The following TACR3 variants were observed in gnomAD, a reference collection of about 807,000 sequenced individuals.
The protein encoded by TACR3 is neuromedin-K receptor.
In TACR3, 34 loss-of-function variants were observed where a neutral mutation model predicts 35.0. The observed-to-expected ratio is 0.97, with a 90% CI of 0.74 to 1.30. The LOEUF (loss-of-function observed/expected upper bound fraction) is 1.30. Among genes scored for constraint, TACR3 ranks in the 50% most tolerant of loss-of-function variants. The pLI is 0.00. For missense variants in TACR3, 558 were observed against 591.7 expected, an observed-to-expected ratio of 0.94 and a Z score of 0.59; for synonymous variants, 233 against 221.1, an observed-to-expected ratio of 1.05 and a Z score of -0.48.
At chr4:103,709,365 G>T (rs1722883640) in intron 1 of TACR3, among the ~76,000 whole-genome samples, 1 of 152,152 alleles carries the variant, frequency 6.6e-6, no homozygotes, top group South Asian at 2.1e-4. Flanking sequence ...CATTCTTAAA[G>T]AAAAGAATTT....
chr4:103,667,257 A>AAAAAC (rs1227807625), intron 1 of TACR3, among the ~76,000 whole-genome samples: 5 of 152,066 alleles, frequency 3.3e-5, no homozygotes, highest in African/African-American at 7.3e-5. Context: ...ACTTTGTCTC[A>AAAAAC]AAAACAAAAC....
chr4:103,587,419 C>T lies in TACR3; in HGVS notation c.*2263G>A, dbSNP rs965108377. 2 of 151,888 alleles carry T rather than the reference C, an allele frequency of 1.3e-5. No homozygotes were observed. Among genetic ancestry groups the T allele is most frequent in the Non-Finnish European group, 2.9e-5 (2 of 67,944 alleles). 9.4% of individuals were successfully genotyped at this position (151,888 alleles called of 1,614,324 possible). On this transcript the variant is annotated 3_prime_UTR_variant, in exon 5 of 5. Coordinates refer to ENST00000304883, the MANE Select transcript of TACR3 (RefSeq NM_001059.3). ...TCTGTCACACTAGAAGGGAGGTGCT[C>T]GGTAAGCAACACAACAATATGTATG...
chr4:103,661,179 A>G (rs1303011990), intron 1 of TACR3, among the ~76,000 whole-genome samples: 1 of 152,034 alleles, frequency 6.6e-6, no homozygotes, highest in Admixed American at 6.6e-5. Flanking sequence ...CTTATGTGTT[A>G]TATGTGTGTG....
intron 3 of TACR3, among the ~76,000 whole-genome samples, chr4:103,639,426 C>A (rs1033425836): frequency 6.6e-6 from 1 of 151,896 alleles, no homozygotes; most frequent in African/African-American, 2.4e-5. Context: ...GAACATCACA[C>A]ACCAGGGACT....
At chr4:103,715,655 A>T (rs1027290803) in intron 1 of TACR3, among the ~76,000 whole-genome samples, 1 of 152,232 alleles carries the variant, frequency 6.6e-6, no homozygotes, top group Non-Finnish European at 1.5e-5. Flanking sequence ...ATACTGGATC[A>T]TATGCCCTGA....
intron 1 of TACR3, among the ~76,000 whole-genome samples, chr4:103,680,219 T>C (rs1357416093): frequency 6.6e-6 from 1 of 151,392 alleles, no homozygotes; most frequent in Non-Finnish European, 1.5e-5. Flanking sequence ...CATATGAGCT[T>C]GGGTACTTTT....
At chr4:103,599,150 T>C (rs1408644337) in intron 3 of TACR3, among the ~76,000 whole-genome samples, 1 of 152,180 alleles carries the variant, frequency 6.6e-6, no homozygotes, top group Admixed American at 6.6e-5. Context: ...TTTGTAGTTC[T>C]CCTTGAAGAG....
Position 103,719,705 on chromosome 4 carries a change from C to T in TACR3, c.-30G>A. Reference sequence around the variant, plus strand: ...ACCGGTCTGCAGTCCCGGACCCTCCCACTCACCCACGGGCAGCCCAAGACG... The same window carrying T: ...ACCGGTCTGCAGTCCCGGACCCTCCTACTCACCCACGGGCAGCCCAAGACG... On this transcript the variant is annotated 5_prime_UTR_variant, in exon 1 of 5. Transcript: ENST00000304883. 6.2e-7 allele frequency: 1 copy of T among 1,603,668 alleles called. No homozygotes were observed. Among genetic ancestry groups the T allele is most frequent in the African/African-American group, 1.3e-5 (1 of 75,026 alleles).
chr4:103,683,814 G>A (rs1722168152), intron 1 of TACR3, among the ~76,000 whole-genome samples: 1 of 149,832 alleles, frequency 6.7e-6, no homozygotes, highest in African/African-American at 2.5e-5. Context: ...AGGAAGTGGG[G>A]GAGGAGAGAT....
At chr4:103,659,372 A>G (rs760846417) in intron 1 of TACR3, among the ~76,000 whole-genome samples, 1 of 152,158 alleles carries the variant, frequency 6.6e-6, no homozygotes, top group African/African-American at 2.4e-5. Flanking sequence ...ACAGCTCAAA[A>G]CCTTCATGTC....
intron 3 of TACR3, among the ~76,000 whole-genome samples, chr4:103,631,969 A>G (rs1186785014): frequency 1.3e-5 from 2 of 152,180 alleles, no homozygotes; most frequent in Non-Finnish European, 2.9e-5. Context: ...TAAGTCTAAT[A>G]GCTGTGCGAG....
At chr4:103,593,399 A>G (rs999441709) in intron 3 of TACR3, 3 of 152,216 alleles carry the variant, frequency 2.0e-5, no homozygotes, top group African/African-American at 7.2e-5. Flanking sequence ...AAGGAAATGT[A>G]TAATTTTAAT....
intron 1 of TACR3, among the ~76,000 whole-genome samples, chr4:103,703,603 C>T (rs934139374): frequency 6.6e-6 from 1 of 152,176 alleles, no homozygotes; most frequent in Admixed American, 6.5e-5. Context: ...AGTGGTGGAG[C>T]TGCAAACCCC....
chr4:103,641,567 G>T (rs191962293), intron 3 of TACR3, among the ~76,000 whole-genome samples: 17 of 151,996 alleles, frequency 1.1e-4, no homozygotes, highest in South Asian at 6.2e-4. Flanking sequence ...CAGTATGAAG[G>T]TTACTCAGAA....
At chr4:103,639,453 A>AG (rs1725294805) in intron 3 of TACR3, among the ~76,000 whole-genome samples, 1 of 151,510 alleles carries the variant, frequency 6.6e-6, no homozygotes, top group African/African-American at 2.4e-5. Flanking sequence ...GGGTGGGGAG[A>AG]GGGGGGAGGG....
intron 2 of TACR3, 111 bp downstream of exon 2, chr4:103,658,104 A>G: frequency 1.9e-6 from 2 of 1,067,402 alleles, no homozygotes; most frequent in Non-Finnish European, 2.8e-6. Flanking sequence ...TTTCCAAATA[A>G]TGTATGAACC....
chr4:103,596,961 A>C (rs1235032559), intron 3 of TACR3, among the ~76,000 whole-genome samples: 1 of 151,944 alleles, frequency 6.6e-6, no homozygotes, highest in Non-Finnish European at 1.5e-5. Flanking sequence ...ATAGTATTCC[A>C]TGGTGTATAT....
intron 1 of TACR3, among the ~76,000 whole-genome samples, chr4:103,684,268 A>C (rs1722181268): frequency 6.6e-6 from 1 of 152,176 alleles, no homozygotes; most frequent in African/African-American, 2.4e-5. Flanking sequence ...AAGAAATTTA[A>C]TAATGTCTCT....
intron 1 of TACR3, among the ~76,000 whole-genome samples, chr4:103,714,136 C>A (rs1046536564): frequency 6.6e-6 from 1 of 151,882 alleles, no homozygotes; most frequent in Non-Finnish European, 1.5e-5. Context: ...TCTTTTTACA[C>A]TGGGGATATA....
Sources: gnomAD v4.1 joint callset for allele counts (sites outside exome capture counted in the v4.1 genomes callset) on GRCh38, gnomAD v4.1.1 for gene constraint, MANE v1.5 for transcripts, NCBI Gene and HGNC (gene_info 2026-07-23, HGNC 2026-07-21) for gene names.